Variants in CCDC171 observed in about 807,000 individuals in gnomAD.
CCDC171 encodes coiled-coil domain containing 171.
In CCDC171, 177 loss-of-function variants were observed where a neutral mutation model predicts 168.2. The ratio of observed to expected loss-of-function variants is 1.05; its 90% CI spans 0.93 to 1.19. The LOEUF (loss-of-function observed/expected upper bound fraction) is 1.19, where lower values mean the gene tolerates loss of function less well. CCDC171 is among the 50% of genes most tolerant of loss of function. CCDC171 has a pLI of 0.00. For synonymous variants in CCDC171, 687 were observed against 540.8 expected (o/e 1.27, Z -3.75); for missense variants, 1,991 against 1,539.0 (o/e 1.29, Z -4.91).
At chr9:15,901,960 T>A (rs1821728414) in intron 24 of CCDC171, among the ~76,000 whole-genome samples, 1 of 152,206 alleles carries the variant, frequency 6.6e-6, no homozygotes, top group Non-Finnish European at 1.5e-5. Context: ...GACAGCATGC[T>A]TCAAAGTACT....
intron 8 of CCDC171, among the ~76,000 whole-genome samples, chr9:15,658,515 G>A (rs2048099029): frequency 6.6e-6 from 1 of 152,160 alleles, no homozygotes; most frequent in Admixed American, 6.5e-5. Context: ...CTGTGAATAT[G>A]TTACCTTACA....
Position 15,808,982 on chromosome 9 carries a change from C to T in CCDC171, c.3267+24288C>T, listed in dbSNP as rs563148327. 2.4e-4 allele frequency among the ~76,000 whole-genome samples: 36 copies of T among 152,252 alleles called. 1 individual carries two copies. The highest frequency in any genetic ancestry group is 4.0e-4 in the Non-Finnish European group (27 of 68,022). On this transcript the variant is annotated intron_variant, in intron 21 of 25. Transcript: ENST00000380701. Reference sequence around the variant, plus strand: ...TGCTGTGTCTTCACATGGTGGAAAGCGGCAAGGCAGCTCTAGGGAGCTCTT... The same window carrying T: ...TGCTGTGTCTTCACATGGTGGAAAGTGGCAAGGCAGCTCTAGGGAGCTCTT...
At chr9:15,823,101 T>G (rs187115563) in intron 21 of CCDC171, among the ~76,000 whole-genome samples, 1 of 151,894 alleles carries the variant, frequency 6.6e-6, no homozygotes, top group African/African-American at 2.4e-5. Flanking sequence ...AACCAAACAC[T>G]GCATGTTCTC....
intron 24 of CCDC171, among the ~76,000 whole-genome samples, chr9:15,892,654 CA>C (rs1386863469): frequency 1.3e-5 from 2 of 152,014 alleles, no homozygotes; most frequent in Non-Finnish European, 2.9e-5. Flanking sequence ...AGCCGAAAGT[CA>C]AATCATGAAT....
intron 24 of CCDC171, among the ~76,000 whole-genome samples, chr9:15,893,207 G>C (rs975470499): frequency 1.3e-5 from 2 of 152,158 alleles, no homozygotes; most frequent in African/African-American, 2.4e-5. Flanking sequence ...TTAGTAAATG[G>C]TGCTGGAAGA....
At chr9:15,808,840 T>C (rs918081543) in intron 21 of CCDC171, among the ~76,000 whole-genome samples, 2 of 143,326 alleles carry the variant, frequency 1.4e-5, no homozygotes, top group Non-Finnish European at 3.1e-5. Flanking sequence ...ATAAACTGGA[T>C]AGCTTATAAA....
intron 1 of CCDC171, among the ~76,000 whole-genome samples, chr9:16,054,947 G>A (rs998260040): frequency 5.3e-5 from 8 of 152,216 alleles, no homozygotes; most frequent in African/African-American, 1.7e-4. Flanking sequence ...AGAACTTAAC[G>A]TGGAGACGAA....
intron 6 of CCDC171, among the ~76,000 whole-genome samples, chr9:15,610,941 G>A (rs1401059625): frequency 6.6e-6 from 1 of 152,110 alleles, no homozygotes; most frequent in Non-Finnish European, 1.5e-5. Context: ...TTTTGGATGT[G>A]TGTCTCTGCC....
At chr9:15,925,635 C>A (rs1037980938) in intron 25 of CCDC171, among the ~76,000 whole-genome samples, 3 of 151,496 alleles carry the variant, frequency 2.0e-5, no homozygotes, top group Non-Finnish European at 4.4e-5. Flanking sequence ...TGGGACAATT[C>A]CTAGTTTTTT....
intron 25 of CCDC171, among the ~76,000 whole-genome samples, chr9:15,948,996 A>T (rs931464160): frequency 6.6e-6 from 1 of 152,090 alleles, no homozygotes; most frequent in Admixed American, 6.6e-5. Flanking sequence ...AATTGATTTT[A>T]GTGTAAGGTG....
intron 1 of CCDC171, among the ~76,000 whole-genome samples, chr9:15,557,341 A>G (rs1477492595): frequency 1.3e-5 from 2 of 152,084 alleles, no homozygotes; most frequent in Non-Finnish European, 2.9e-5. Flanking sequence ...GAGTATGGCC[A>G]TTTTCACAAT....
At chr9:15,771,614 G>A (rs1007930366) in intron 18 of CCDC171, among the ~76,000 whole-genome samples, 1 of 151,890 alleles carries the variant, frequency 6.6e-6, no homozygotes, top group Non-Finnish European at 1.5e-5. Flanking sequence ...TTTTAATTTT[G>A]CTTGTGATAT....
At chr9:16,046,962 C>G (rs905641661) in intron 1 of CCDC171, among the ~76,000 whole-genome samples, 1 of 152,208 alleles carries the variant, frequency 6.6e-6, no homozygotes, top group African/African-American at 2.4e-5. Flanking sequence ...TCCCTTCACT[C>G]TGACCATTCC....
intron 18 of CCDC171, among the ~76,000 whole-genome samples, chr9:15,749,572 G>A (rs2055569164): frequency 6.6e-6 from 1 of 152,100 alleles, no homozygotes; most frequent in African/African-American, 2.4e-5. Context: ...ATAATTCGAA[G>A]TAAAACACTC....
intron 25 of CCDC171, among the ~76,000 whole-genome samples, chr9:15,959,555 C>T (rs1830143100): frequency 6.6e-6 from 1 of 151,926 alleles, no homozygotes; most frequent in Non-Finnish European, 1.5e-5. Context: ...AAATATTTAG[C>T]AAAGAGCTTT....
chr9:15,780,285 G>T (rs1009258189), intron 20 of CCDC171, among the ~76,000 whole-genome samples: 1 of 151,780 alleles, frequency 6.6e-6, no homozygotes, highest in Non-Finnish European at 1.5e-5. Context: ...TTAGTTTTTT[G>T]CTCAGAGAAG....
At chr9:16,081,816 T>C in the CCDC171 span, among the ~76,000 whole-genome samples, 1 of 152,092 alleles carries the variant, frequency 6.6e-6, no homozygotes, top group Non-Finnish European at 1.5e-5. Flanking sequence ...GCTGTATTTG[T>C]ATAATGCAGT....
intron 17 of CCDC171, among the ~76,000 whole-genome samples, chr9:15,745,225 T>C (rs1415234098): frequency 1.3e-5 from 2 of 152,250 alleles, no homozygotes; most frequent in Admixed American, 1.3e-4. Flanking sequence ...GTGTTTTGAA[T>C]GCATAACTAT....
intron 18 of CCDC171, among the ~76,000 whole-genome samples, chr9:15,765,858 A>G (rs1592099): frequency 0.41 from 62,095 of 151,980 alleles, 14,339 homozygotes; most frequent in East Asian, 0.65. Context: ...AATTCTCCAT[A>G]GGTCTTGTGT....
Sources: allele counts gnomAD v4.1 joint callset (sites outside exome capture counted in the v4.1 genomes callset), GRCh38; gene constraint gnomAD v4.1.1; transcripts MANE v1.5; gene names NCBI Gene and HGNC (gene_info 2026-07-23, HGNC 2026-07-21).